Variants in SLC24A2 observed in about 807,000 individuals in gnomAD.
The protein encoded by SLC24A2 is solute carrier family 24 member 2.
A neutral mutation model predicts 62.0 loss-of-function variants in SLC24A2; 36 were observed. The ratio of observed to expected loss-of-function variants is 0.58; its 90% CI spans 0.44 to 0.77. The LOEUF (loss-of-function observed/expected upper bound fraction) is 0.77, where lower values mean the gene tolerates loss of function less well. Among genes scored for constraint, SLC24A2 ranks in the 30% least tolerant of loss-of-function variants. The pLI is 0.00. For synonymous variants in SLC24A2, 358 were observed against 294.0 expected (o/e 1.22, Z -2.23); for missense variants, 846 against 817.9 (o/e 1.03, Z -0.42).
chr9:20,154,863 T>C, the SLC24A2 span, among the ~76,000 whole-genome samples: 2 of 151,684 alleles, frequency 1.3e-5, no homozygotes, highest in Non-Finnish European at 2.9e-5. Context: ...TAACCCAAGA[T>C]GGCTGTAGCC....
At chr9:19,754,326 G>C (rs563969927) in intron 2 of SLC24A2, among the ~76,000 whole-genome samples, 53 of 152,328 alleles carry the variant, frequency 3.5e-4, no homozygotes, top group Admixed American at 1.4e-3. Context: ...CATGAAGAGC[G>C]TAGGACTTGG....
At chr9:19,892,045 C>T in the SLC24A2 span, among the ~76,000 whole-genome samples, 1 of 152,162 alleles carries the variant, frequency 6.6e-6, no homozygotes. Flanking sequence ...CCTCCCTTCC[C>T]TTTTTCTCTT....
At chr9:20,181,869 A>G in the SLC24A2 span, among the ~76,000 whole-genome samples, 1 of 152,166 alleles carries the variant, frequency 6.6e-6, no homozygotes, top group Admixed American at 6.5e-5. Flanking sequence ...TGGGAGAAAA[A>G]TTTTGCAATC....
intron 8 of SLC24A2, among the ~76,000 whole-genome samples, chr9:19,533,126 C>G (rs1347703329): frequency 1.3e-5 from 2 of 152,134 alleles, no homozygotes; most frequent in African/African-American, 2.4e-5. Flanking sequence ...GAAATAAAAG[C>G]TAGTGGGAGT....
chr9:20,268,001 G>T, the SLC24A2 span, among the ~76,000 whole-genome samples: 1 of 152,096 alleles, frequency 6.6e-6, no homozygotes, highest in Non-Finnish European at 1.5e-5. Flanking sequence ...CCTCCACCGT[G>T]ATGTTTCATG....
the SLC24A2 span, among the ~76,000 whole-genome samples, chr9:20,182,349 G>A: frequency 6.6e-6 from 1 of 152,110 alleles, no homozygotes; most frequent in Non-Finnish European, 1.5e-5. Context: ...TGTTTATTGT[G>A]GTACTATTCA....
At chr9:19,717,582 TTA>T (rs1554705470) in intron 2 of SLC24A2, among the ~76,000 whole-genome samples, 1 of 152,164 alleles carries the variant, frequency 6.6e-6, no homozygotes, top group Non-Finnish European at 1.5e-5. Flanking sequence ...TTTAAAAGAG[TTA>T]TAGAAAAATG....
At chr9:19,555,506 A>T (rs1835042151) in intron 7 of SLC24A2, among the ~76,000 whole-genome samples, 1 of 152,218 alleles carries the variant, frequency 6.6e-6, no homozygotes, top group Non-Finnish European at 1.5e-5. Context: ...GTATTTTCTC[A>T]AAACCATTCA....
At chr9:20,057,502 T>C in the SLC24A2 span, among the ~76,000 whole-genome samples, 1 of 152,110 alleles carries the variant, frequency 6.6e-6, no homozygotes, top group Non-Finnish European at 1.5e-5. Flanking sequence ...GGCTAAAAAA[T>C]GGAGAGAAAA....
At chr9:19,716,629 G>A (rs961350302) in intron 2 of SLC24A2, among the ~76,000 whole-genome samples, 3 of 152,132 alleles carry the variant, frequency 2.0e-5, no homozygotes, top group African/African-American at 4.8e-5. Context: ...CATATCTTAA[G>A]AGACTGCTGA....
chr9:19,679,838 C>CTGTGTGTGTGTG (rs58253967), intron 2 of SLC24A2, among the ~76,000 whole-genome samples: 209 of 142,466 alleles, frequency 1.5e-3, no homozygotes, highest in Middle Eastern at 3.6e-3. Flanking sequence ...CTCACATATA[C>CTGTGTGTGTGTG]TGTGTGTGTG....
the SLC24A2 span, among the ~76,000 whole-genome samples, chr9:20,161,790 A>G: frequency 6.6e-6 from 1 of 150,994 alleles, no homozygotes; most frequent in Admixed American, 6.6e-5. Context: ...ACACACAAAC[A>G]TCATACCACA....
intron 7 of SLC24A2, among the ~76,000 whole-genome samples, chr9:19,563,854 C>T (rs1414632926): frequency 9.1e-5 from 11 of 120,964 alleles, no homozygotes; most frequent in African/African-American, 1.3e-4. Flanking sequence ...CCCTCCCTCC[C>T]TCCCTCCCTC....
chr9:20,051,732 C>A, the SLC24A2 span, among the ~76,000 whole-genome samples: 137 of 124,656 alleles, frequency 1.1e-3, no homozygotes, highest in Non-Finnish European at 9.5e-4. Flanking sequence ...CTGTGTATAT[C>A]ATTTCAAAGA....
chr9:20,285,702 T>C, the SLC24A2 span, among the ~76,000 whole-genome samples: 1 of 152,206 alleles, frequency 6.6e-6, no homozygotes, highest in Non-Finnish European at 1.5e-5. Context: ...CCAGTCAAGT[T>C]GACATACAAA....
intron 2 of SLC24A2, among the ~76,000 whole-genome samples, chr9:19,720,926 G>A (rs1821008761): frequency 6.7e-6 from 1 of 149,440 alleles, no homozygotes. Flanking sequence ...TTTCCTTGAT[G>A]TTAATATTTT....
At chr9:20,248,818 T>A in the SLC24A2 span, among the ~76,000 whole-genome samples, 1 of 152,218 alleles carries the variant, frequency 6.6e-6, no homozygotes, top group African/African-American at 2.4e-5. Flanking sequence ...TAGCATTTAC[T>A]TCTCCGGGGC....
chr9:20,100,496 CTCA>C, the SLC24A2 span, among the ~76,000 whole-genome samples: 2 of 152,204 alleles, frequency 1.3e-5, no homozygotes, highest in Non-Finnish European at 2.9e-5. Context: ...TTGCACATTT[CTCA>C]TCATAAGTGC....
chr9:20,305,189 T>A, the SLC24A2 span, among the ~76,000 whole-genome samples: 2 of 150,740 alleles, frequency 1.3e-5, no homozygotes, highest in African/African-American at 4.9e-5. Flanking sequence ...TCTCCCTGCA[T>A]CTCTGCCTCG....
Sources: gnomAD v4.1 joint callset for allele counts (sites outside exome capture counted in the v4.1 genomes callset) on GRCh38, gnomAD v4.1.1 for gene constraint, MANE v1.5 for transcripts, NCBI Gene and HGNC (gene_info 2026-07-23, HGNC 2026-07-21) for gene names.